TMEM135: variants seen among roughly 807,000 people sequenced by gnomAD.
TMEM135 encodes the protein peroxisomal membrane protein 52.
TMEM135 carries 30 observed loss-of-function variants against 60.3 expected under a neutral mutation model. The observed-to-expected ratio is 0.50, with a 90% confidence interval of 0.37 to 0.68. TMEM135 has a LOEUF of 0.68. TMEM135 is among the 30% of genes least tolerant of loss of function. The probability of loss-of-function intolerance (pLI) is 0.00; values close to 1 mark genes in which losing one functional copy is unlikely to be tolerated. For synonymous variants in TMEM135, 190 were observed against 186.7 expected, an observed-to-expected ratio of 1.02 and a Z score of -0.14; for missense variants, 468 against 548.8, an observed-to-expected ratio of 0.85 and a Z score of 1.47.
At chr11:87,137,689 GT>G (rs1262527878) in intron 4 of TMEM135, among the ~76,000 whole-genome samples, 1 of 150,398 alleles carries the variant, frequency 6.6e-6, no homozygotes, top group Non-Finnish European at 1.5e-5. Flanking sequence ...TTATTATTTT[GT>G]TTGCTTTGAC....
At chr11:87,046,090 G>A (rs1480428301) in intron 1 of TMEM135, among the ~76,000 whole-genome samples, 1 of 152,160 alleles carries the variant, frequency 6.6e-6, no homozygotes, top group Non-Finnish European at 1.5e-5. Flanking sequence ...AAGTAAAGTA[G>A]TATATATAAC....
intron 12 of TMEM135, among the ~76,000 whole-genome samples, chr11:87,315,833 G>T (rs1942719278): frequency 6.6e-6 from 1 of 151,850 alleles, no homozygotes; most frequent in African/African-American, 2.4e-5. Context: ...ATGAAGATTT[G>T]GAGTTTAACA....
intron 3 of TMEM135, among the ~76,000 whole-genome samples, chr11:87,073,755 C>T (rs930687093): frequency 3.3e-5 from 5 of 151,890 alleles, no homozygotes; most frequent in African/African-American, 9.7e-5. Context: ...GCAACTTCTG[C>T]CTCCCAGGTT....
chr11:87,292,374 T>C (rs1942282007), intron 6 of TMEM135, among the ~76,000 whole-genome samples: 1 of 152,228 alleles, frequency 6.6e-6, no homozygotes, highest in African/African-American at 2.4e-5. Context: ...GTTATGTCCT[T>C]AGAACCTAAG....
At chr11:87,202,730 T>TAA (rs201573717) in intron 5 of TMEM135, among the ~76,000 whole-genome samples, 17,069 of 134,304 alleles carry the variant, frequency 0.13, 1,078 homozygotes, top group South Asian at 0.15. Context: ...TAAAAGACTT[T>TAA]AAAAAAAAAA....
chr11:87,167,844 A>T (rs1939104496), intron 5 of TMEM135, among the ~76,000 whole-genome samples: 1 of 151,892 alleles, frequency 6.6e-6, no homozygotes, highest in African/African-American at 2.4e-5. Context: ...GAGGAGGAGT[A>T]CCTCTTTTTG....
intron 5 of TMEM135, chr11:87,157,840 A>C (rs373637508): frequency 1.3e-5 from 2 of 157,460 alleles, no homozygotes; most frequent in East Asian, 1.9e-4. Context: ...GGGAGAAAAA[A>C]GCTGGAGAGG....
intron 1 of TMEM135, 142 bp from the exon 2 acceptor site, chr11:87,067,552 A>G (rs1856690604): frequency 3.6e-6 from 4 of 1,113,232 alleles, no homozygotes; most frequent in South Asian, 1.4e-5. Context: ...TGAACATTGT[A>G]TTTTTATAGA....
At chr11:87,130,929 G>GTTTTCTTT (rs2084590320) in intron 4 of TMEM135, among the ~76,000 whole-genome samples, 2 of 146,668 alleles carry the variant, frequency 1.4e-5, no homozygotes, top group Admixed American at 1.3e-4. Context: ...TTTAGTTACA[G>GTTTTCTTT]TTTTCTTTTT....
chr11:87,139,454 C>T (rs949829714), intron 4 of TMEM135, among the ~76,000 whole-genome samples: 6 of 152,066 alleles, frequency 3.9e-5, no homozygotes, highest in Admixed American at 3.9e-4. Context: ...TTTTCTCTTC[C>T]CATGTCCTAG....
At position 87,324,930 on chromosome 11, in the gene TMEM135, A is replaced by C. The variant is rs1183758704; in HGVS notation, c.*3597A>C. 4.4e-6 allele frequency: 2 copies of C among 454,086 alleles called. No individual in the cohort carries two copies. The highest frequency in any genetic ancestry group is 3.1e-5 in the South Asian group (2 of 64,478). 28.1% of individuals were successfully genotyped at this position (454,086 alleles called of 1,614,324 possible). On this transcript the variant is annotated 3_prime_UTR_variant, in exon 15 of 15. Coordinates refer to ENST00000305494, the MANE Select transcript of TMEM135 (RefSeq NM_022918.4). ...GAGTGGCCAAGAAAAAAATACAAGAAAAGGAATAAGAAGTGATTATTTTCT... is the reference window on the plus strand; with the variant it reads ...GAGTGGCCAAGAAAAAAATACAAGACAAGGAATAAGAAGTGATTATTTTCT...
At position 87,126,113 on chromosome 11, in the gene TMEM135, C is replaced by A. The variant is rs115680276; in HGVS notation, c.397-31228C>A. Among the ~76,000 whole-genome samples, 885 of 142,048 alleles carry A rather than the reference C, an allele frequency of 6.2e-3. 13 individuals are homozygous for A. Among genetic ancestry groups the A allele is most frequent in the African/African-American group, 0.022 (845 of 38,696 alleles). 93.2% of individuals were successfully genotyped at this position (142,048 alleles called of 152,430 possible). On this transcript the variant is annotated intron_variant, in intron 4 of 14. Transcript: ENST00000305494. Reference sequence around the variant, plus strand: ...TCTTGAATTCCTGACCTCAAGTGGTCCACCCGCTTTGGCCTCCCAAAGTGT... The same window carrying A: ...TCTTGAATTCCTGACCTCAAGTGGTACACCCGCTTTGGCCTCCCAAAGTGT...
chr11:87,283,262 G>A (rs1399888156), intron 6 of TMEM135, among the ~76,000 whole-genome samples: 3 of 151,770 alleles, frequency 2.0e-5, no homozygotes, highest in Non-Finnish European at 4.4e-5. Context: ...TGAACCCGGA[G>A]GTGGAGGTTG....
At chr11:87,264,308 TTTTC>T (rs1340730088) in intron 6 of TMEM135, among the ~76,000 whole-genome samples, 1 of 65,886 alleles carries the variant, frequency 1.5e-5, no homozygotes, top group Non-Finnish European at 4.4e-5. Context: ...GTTCTTTTTC[TTTTC>T]TTTTTTTTTG....
intron 5 of TMEM135, among the ~76,000 whole-genome samples, chr11:87,199,775 C>T (rs1198107253): frequency 6.6e-6 from 1 of 151,984 alleles, no homozygotes; most frequent in Non-Finnish European, 1.5e-5. Flanking sequence ...ACTAAAAATA[C>T]AAAAATTAGC....
chr11:87,282,346 C>G (rs1416185234), intron 6 of TMEM135, among the ~76,000 whole-genome samples: 2 of 152,040 alleles, frequency 1.3e-5, no homozygotes, highest in Non-Finnish European at 2.9e-5. Flanking sequence ...CTCACTGCAA[C>G]CTCCGCCTCC....
At chr11:87,259,154 A>C (rs1941592054) in intron 6 of TMEM135, 150 of 644,832 alleles carry the variant, frequency 2.3e-4, no homozygotes, top group East Asian at 5.2e-4. Flanking sequence ...ACCAGGTCTC[A>C]TCTAGCTTCT....
At chr11:87,055,701 C>T (rs1478584764) in intron 1 of TMEM135, among the ~76,000 whole-genome samples, 4 of 152,076 alleles carry the variant, frequency 2.6e-5, no homozygotes, top group African/African-American at 2.4e-5. Flanking sequence ...AGTGAGTCTC[C>T]TGCCTCAGCC....
intron 6 of TMEM135, among the ~76,000 whole-genome samples, chr11:87,265,703 G>A (rs140750281): frequency 2.7e-4 from 41 of 152,142 alleles, no homozygotes; most frequent in African/African-American, 9.4e-4. Context: ...TAGTGTTTAG[G>A]TGGCTTGTAT....
Sources: allele counts gnomAD v4.1 joint callset (sites outside exome capture counted in the v4.1 genomes callset), GRCh38; gene constraint gnomAD v4.1.1; transcripts MANE v1.5; gene names NCBI Gene and HGNC (gene_info 2026-07-23, HGNC 2026-07-21).